Variants in PTPRG observed in about 807,000 individuals in gnomAD.
The protein encoded by PTPRG is receptor-type tyrosine-protein phosphatase gamma.
Under a neutral mutation model 165.3 loss-of-function variants are expected in PTPRG, and 102 were observed. That is an observed-to-expected ratio of 0.62 (90% CI 0.53 to 0.73). PTPRG has a LOEUF of 0.73. PTPRG is among the 30% of genes least tolerant of loss of function. The pLI is 0.00. For missense variants in PTPRG, 1,866 were observed against 1,861.4 expected (o/e 1.00, Z -0.05); for synonymous variants, 675 against 669.5 (o/e 1.01, Z -0.13).
At chr3:62,067,596 T>C (rs1277906101) in intron 4 of PTPRG, among the ~76,000 whole-genome samples, 3 of 152,172 alleles carry the variant, frequency 2.0e-5, no homozygotes, top group Non-Finnish European at 4.4e-5. Flanking sequence ...CCTGAGCGTG[T>C]TTTCTTGCAA....
chr3:61,656,589 T>C (rs1247153868), intron 1 of PTPRG, among the ~76,000 whole-genome samples: 1 of 152,216 alleles, frequency 6.6e-6, no homozygotes, highest in Non-Finnish European at 1.5e-5. Flanking sequence ...TTTAGGAATT[T>C]CTTCTCCAAG....
chr3:62,156,706 G>A (rs564003390), intron 6 of PTPRG, among the ~76,000 whole-genome samples: 1 of 152,114 alleles, frequency 6.6e-6, no homozygotes, highest in Non-Finnish European at 1.5e-5. Context: ...GGAAGGGGTG[G>A]GTTAAACAAA....
At chr3:61,856,829 G>A (rs997531711) in intron 2 of PTPRG, among the ~76,000 whole-genome samples, 5 of 152,158 alleles carry the variant, frequency 3.3e-5, no homozygotes, top group African/African-American at 9.7e-5. Context: ...TTATGAGGAG[G>A]ACTGGACAGG....
chr3:62,154,086 G>T (rs910940825), intron 6 of PTPRG, among the ~76,000 whole-genome samples: 10 of 152,118 alleles, frequency 6.6e-5, no homozygotes, highest in African/African-American at 2.2e-4. Context: ...GGACTAAATC[G>T]ATGGTTTTCA....
intron 8 of PTPRG, among the ~76,000 whole-genome samples, chr3:62,178,836 T>A (rs1332978481): frequency 6.6e-6 from 1 of 152,190 alleles, no homozygotes; most frequent in Admixed American, 6.5e-5. Flanking sequence ...AGAAAAATCT[T>A]CTCTGACATT....
At chr3:61,926,143 A>T (rs2039203607) in intron 2 of PTPRG, among the ~76,000 whole-genome samples, 1 of 152,156 alleles carries the variant, frequency 6.6e-6, no homozygotes, top group African/African-American at 2.4e-5. Context: ...TTTTAAGGAA[A>T]TCCATGGAAA....
chr3:61,737,960 G>T (rs2032784963), intron 1 of PTPRG, among the ~76,000 whole-genome samples: 1 of 150,092 alleles, frequency 6.7e-6, no homozygotes, highest in Admixed American at 6.6e-5. Context: ...CCAGGCTGGA[G>T]TGCAGTGGCG....
intron 1 of PTPRG, among the ~76,000 whole-genome samples, chr3:61,683,541 C>T (rs550656782): frequency 3.9e-5 from 6 of 152,302 alleles, no homozygotes; most frequent in African/African-American, 9.6e-5. Flanking sequence ...GTTACTTGGC[C>T]GTCTCAGGAA....
intron 5 of PTPRG, among the ~76,000 whole-genome samples, chr3:62,123,427 T>C (rs1468759024): frequency 1.3e-5 from 2 of 152,234 alleles, no homozygotes; most frequent in East Asian, 3.8e-4. Flanking sequence ...TTTTTATTTT[T>C]GACTTCAGAC....
At chr3:61,875,035 A>G (rs1049663160) in intron 2 of PTPRG, among the ~76,000 whole-genome samples, 2 of 152,196 alleles carry the variant, frequency 1.3e-5, no homozygotes, top group Non-Finnish European at 2.9e-5. Flanking sequence ...TTCTTTAGAA[A>G]TTCTCACTCT....
At position 61,746,208 on chromosome 3, in the gene PTPRG, A is replaced by ATTTTTTTTT. The variant is rs750697053; in HGVS notation, c.86-2650_86-2642dup. Among the ~76,000 whole-genome samples the ATTTTTTTTT allele has an allele frequency of 1.2e-3, 99 of 81,316 alleles. 7 individuals carry two copies. Among genetic ancestry groups the ATTTTTTTTT allele is most frequent in the South Asian group, 5.1e-3 (10 of 1,964 alleles). The allele number at this position is 81,316 out of a possible 152,430, so 53.3% of individuals were successfully genotyped here. On this transcript the variant is annotated intron_variant, in intron 1 of 29. Coordinates refer to ENST00000474889, the MANE Select transcript of PTPRG (RefSeq NM_002841.4). ...CAGGCGTGTGCCACCACACACTCTAATTTTTTTTTTTTTTTTTTTTTTTTT... is the reference window on the plus strand; with the variant it reads ...CAGGCGTGTGCCACCACACACTCTAATTTTTTTTTTTTTTTTTTTTTTTTTTTTTTTTTT...
intron 4 of PTPRG, among the ~76,000 whole-genome samples, chr3:62,038,095 C>A (rs1700008762): frequency 6.6e-6 from 1 of 152,134 alleles, no homozygotes; most frequent in Admixed American, 6.5e-5. Flanking sequence ...ATTATTTGGA[C>A]AAGTTACTTA....
intron 2 of PTPRG, among the ~76,000 whole-genome samples, chr3:61,849,296 G>A (rs1435694882): frequency 6.6e-6 from 1 of 152,174 alleles, no homozygotes; most frequent in African/African-American, 2.4e-5. Context: ...CATAATGGTG[G>A]ATGGTTTGTT....
At chr3:61,726,171 G>A (rs566259009) in intron 1 of PTPRG, among the ~76,000 whole-genome samples, 2 of 152,260 alleles carry the variant, frequency 1.3e-5, no homozygotes, top group South Asian at 2.1e-4. Context: ...TGCACAGAGC[G>A]GCAGTTCTTA....
In PTPRG at chr3:61,829,473, C is replaced by T. The variant is rs112292782; in HGVS notation, c.190+80491C>T. ...CACTTAGCCCGATCACTGCCTTAAA[C>T]GACACCACCAGGGACATACTTGGGC... is the stretch of plus-strand genomic sequence containing the variant. On this transcript the variant is annotated intron_variant, in intron 2 of 29. Coordinates refer to ENST00000474889, the MANE Select transcript of PTPRG (RefSeq NM_002841.4). 4.9e-3 allele frequency among the ~76,000 whole-genome samples: 747 copies of T among 152,320 alleles called. 4 individuals carry two copies. The highest frequency in any genetic ancestry group is 0.017 in the African/African-American group (722 of 41,574).
intron 2 of PTPRG, among the ~76,000 whole-genome samples, chr3:61,840,833 G>C (rs531623192): frequency 1.5e-4 from 22 of 143,024 alleles, no homozygotes; most frequent in South Asian, 4.6e-4. Context: ...ACCCAGGCTG[G>C]AGTACAGTGG....
intron 2 of PTPRG, among the ~76,000 whole-genome samples, chr3:61,929,653 T>A (rs114189819): frequency 5.9e-5 from 9 of 152,212 alleles, no homozygotes; most frequent in African/African-American, 2.2e-4. Flanking sequence ...TAGAGTGCAT[T>A]TGAAAAATGA....
At chr3:61,953,321 A>G (rs2039942590) in intron 2 of PTPRG, among the ~76,000 whole-genome samples, 1 of 152,160 alleles carries the variant, frequency 6.6e-6, no homozygotes, top group Non-Finnish European at 1.5e-5. Context: ...GGGCAAAAAT[A>G]GAGAGAAACT....
chr3:61,993,449 C>G (rs940290508), intron 3 of PTPRG, among the ~76,000 whole-genome samples: 3 of 152,064 alleles, frequency 2.0e-5, no homozygotes, highest in Non-Finnish European at 2.9e-5. Context: ...GAACTCCCAA[C>G]CTCAGGTGAT....
Sources: allele counts gnomAD v4.1 joint callset (sites outside exome capture counted in the v4.1 genomes callset), GRCh38; gene constraint gnomAD v4.1.1; transcripts MANE v1.5; gene names NCBI Gene and HGNC (gene_info 2026-07-23, HGNC 2026-07-21).